RSPRY1: variants seen among roughly 807,000 people sequenced by gnomAD.
RSPRY1 encodes the protein ring finger and SPRY domain containing 1.
In RSPRY1, 23 loss-of-function variants were observed where a neutral mutation model predicts 73.1. That is an observed-to-expected ratio of 0.31 (90% CI 0.23 to 0.45). The LOEUF is 0.45. Ranked by LOEUF, RSPRY1 falls within the 20% of genes least tolerant of loss-of-function variation. RSPRY1 has a pLI of 1.00. For missense variants in RSPRY1, 448 were observed against 698.7 expected (o/e 0.64, Z 4.05); for synonymous variants, 226 against 251.4 (o/e 0.90, Z 0.95).
chr16:57,216,755 G>T, intron 7 of RSPRY1, 149 bp from the exon 8 acceptor site: 1 of 729,404 alleles, frequency 1.4e-6, no homozygotes, highest in Non-Finnish European at 2.3e-6. Flanking sequence ...AAAGCTCTTT[G>T]GCTATGTTTT....
chr16:57,216,886 T>G lies in RSPRY1; in HGVS notation c.770-18T>G, dbSNP rs778079907. 2 of 1,609,272 alleles carry G rather than the reference T, an allele frequency of 1.2e-6. No homozygotes were observed. Among genetic ancestry groups the G allele is most frequent in the Non-Finnish European group, 1.7e-6 (2 of 1,175,990 alleles). The stretch of plus-strand genomic sequence containing the variant: ...TACCCTTTCATTGTTAATTCAAGGA[T>G]TATGTCTTTCCAAACAGGTGAAAAT... On this transcript the variant is annotated intron_variant, in intron 7 of 14. Transcript: ENST00000394420.
chr16:57,203,575 A>G (rs1452662174), intron 1 of RSPRY1, among the ~76,000 whole-genome samples: 1 of 152,166 alleles, frequency 6.6e-6, no homozygotes, highest in Non-Finnish European at 1.5e-5. Context: ...ACTTCCTTCC[A>G]GAATCTAACC....
chr16:57,207,799 C>G, intron 2 of RSPRY1: 1 of 528,386 alleles, frequency 1.9e-6, no homozygotes, highest in South Asian at 1.6e-5. Flanking sequence ...GCTTTTACCC[C>G]AGGACACATA....
intron 1 of RSPRY1, among the ~76,000 whole-genome samples, chr16:57,202,620 A>G (rs1185171795): frequency 6.6e-6 from 1 of 152,086 alleles, no homozygotes; most frequent in African/African-American, 2.4e-5. Flanking sequence ...TCCTTGCATC[A>G]TACTCCTACC....
chr16:57,186,223 C>T (rs543358013), upstream of RSPRY1: 37 of 965,656 alleles, frequency 3.8e-5, no homozygotes, highest in Non-Finnish European at 4.4e-5. Flanking sequence ...TCACGTGACA[C>T]GATTTTTGAA....
At position 57,235,145 on chromosome 16, in the gene RSPRY1, G is replaced by A. The variant is rs771549387; in HGVS notation, c.1551G>A (p.Leu517=). Residue 517 remains leucine (L), a synonymous_variant, in exon 14 of 15, where the codon TTG becomes TTA. Transcript: ENST00000394420. ...ILPRHRRLAL[L]KQVSIRENCC... is the part of the protein sequence containing the mutation. ...TCAGGCACAGGCGTCTTGCTCTGTTGAAGCAAGTCAGTATCCGAGAAAACT... is the reference window on the plus strand; with the variant it reads ...TCAGGCACAGGCGTCTTGCTCTGTTAAAGCAAGTCAGTATCCGAGAAAACT... 4 of 1,614,040 alleles carry A rather than the reference G, an allele frequency of 2.5e-6. No homozygotes were observed. The South Asian group carries it at 4.4e-5, about 18-fold the overall frequency.
intron 8 of RSPRY1, 67 bp downstream of exon 8, chr16:57,217,102 C>T: frequency 1.3e-6 from 2 of 1,568,578 alleles, no homozygotes; most frequent in Non-Finnish European, 8.8e-7. Flanking sequence ...TTCATAGGCT[C>T]ACTGGTCTTC....
intron 4 of RSPRY1, among the ~76,000 whole-genome samples, chr16:57,209,962 C>G (rs1045510248): frequency 2.0e-5 from 3 of 152,170 alleles, no homozygotes; most frequent in Non-Finnish European, 2.9e-5. Context: ...AGGCGTTAGC[C>G]ACTGTGCCCC....
rs1324896169 is a variant in RSPRY1, at chr16:57,240,151, A to C, written c.*1176A>C. 6.6e-6 allele frequency: 1 copy of C among 152,126 alleles called. No homozygotes were observed. Among genetic ancestry groups the C allele is most frequent in the Non-Finnish European group, 1.5e-5 (1 of 68,018 alleles). 9.4% of individuals were successfully genotyped at this position (152,126 alleles called of 1,614,324 possible). On this transcript the variant is annotated 3_prime_UTR_variant, in exon 15 of 15. Coordinates refer to ENST00000394420, the MANE Select transcript of RSPRY1 (RefSeq NM_133368.3). ...TATGCCAAGTCCTTACAGAGTTTAT[A>C]CTTGAATAGTAAATATGTCTTCTGA...
At chr16:57,195,903 T>C (rs2074434491) in intron 1 of RSPRY1, among the ~76,000 whole-genome samples, 1 of 151,534 alleles carries the variant, frequency 6.6e-6, no homozygotes, top group Admixed American at 6.6e-5. Context: ...GCACCTGTAG[T>C]CCTGGCTACT....
At chr16:57,213,985 A>T (rs772241594) in intron 6 of RSPRY1, 39 bp downstream of exon 6, 1 of 1,361,548 alleles carries the variant, frequency 7.3e-7, no homozygotes, top group South Asian at 1.2e-5. Context: ...TTAGTCATCT[A>T]GAAGTGGGCA....
At chr16:57,216,721 A>T (rs946927039) in intron 7 of RSPRY1, among the ~76,000 whole-genome samples, 183 bp from the exon 8 acceptor site, 27 of 151,976 alleles carry the variant, frequency 1.8e-4, no homozygotes, top group African/African-American at 6.3e-4. Context: ...CCCTGTGACT[A>T]AAAAAAAGGA....
At chr16:57,212,866 G>C in intron 4 of RSPRY1, 106 bp from the exon 5 acceptor site, 2 of 1,205,952 alleles carry the variant, frequency 1.7e-6, no homozygotes, top group Non-Finnish European at 2.3e-6. Context: ...GCCCGCCTCG[G>C]CCTCCCAAAG....
chr16:57,228,765 C>G (rs1266678858), intron 11 of RSPRY1, among the ~76,000 whole-genome samples: 1 of 152,126 alleles, frequency 6.6e-6, no homozygotes, highest in Non-Finnish European at 1.5e-5. Flanking sequence ...GTGATCATAG[C>G]TCATACAGCC....
At chr16:57,221,807 A>C (rs2075041423) in intron 10 of RSPRY1, among the ~76,000 whole-genome samples, 1 of 152,380 alleles carries the variant, frequency 6.6e-6, no homozygotes, top group South Asian at 2.1e-4. Flanking sequence ...CTTTCAAAAA[A>C]TAGAGTGTTG....
In RSPRY1 at chr16:57,218,325, T is replaced by C. The variant is rs1333514245; in HGVS notation, c.901+1290T>C. 2.0e-5 allele frequency among the ~76,000 whole-genome samples: 3 copies of C among 152,244 alleles called. No individual in the cohort carries two copies. The South Asian group carries it at 6.2e-4, about 31-fold the overall frequency. On this transcript the variant is annotated intron_variant, in intron 8 of 14. Transcript: ENST00000394420. ...TAGAAACATTCCAATTATACTCTTT[T>C]GGTGTTTTAAAATTTCTTTGTTTTG... is the stretch of plus-strand genomic sequence containing the variant.
rs1013746521 is a variant in RSPRY1 at position 57,221,531 on chromosome 16, G to A, written c.1161+116G>A. 2.0e-5 allele frequency: 22 copies of A among 1,120,464 alleles called. No homozygotes were observed. In the African/African-American group the frequency reaches 3.0e-4, roughly 15 times the overall value. 69.4% of individuals were successfully genotyped at this position (1,120,464 alleles called of 1,614,324 possible). A position where few individuals can be genotyped will look rare whatever the true frequency, so the allele number is the denominator to read the frequency against. ...AGATTTGCTCAATAATCTTTTCTTG[G>A]GCAGAGCCACATGGTACCAGGTCCC... On this transcript the variant is annotated intron_variant, in intron 10 of 14. Coordinates refer to ENST00000394420, the MANE Select transcript of RSPRY1 (RefSeq NM_133368.3).
intron 4 of RSPRY1, among the ~76,000 whole-genome samples, chr16:57,209,397 T>A (rs2074791259): frequency 1.3e-5 from 2 of 152,222 alleles, no homozygotes; most frequent in East Asian, 3.8e-4. Flanking sequence ...AGAGTCTCAC[T>A]CTGTTGCCCA....
At chr16:57,188,715 C>T (rs550174387) in intron 1 of RSPRY1, among the ~76,000 whole-genome samples, 2 of 152,168 alleles carry the variant, frequency 1.3e-5, no homozygotes, top group East Asian at 1.9e-4. Context: ...GAGGTTTCTC[C>T]GTGTTGGTCA....
Sources: allele counts gnomAD v4.1 joint callset (sites outside exome capture counted in the v4.1 genomes callset), GRCh38; gene constraint gnomAD v4.1.1; transcripts MANE v1.5; gene names NCBI Gene and HGNC (gene_info 2026-07-23, HGNC 2026-07-21).